QSER1: variants seen among roughly 807,000 people sequenced by gnomAD.
QSER1 encodes the protein glutamine and serine-rich protein 1.
Under a neutral mutation model 158.5 loss-of-function variants are expected in QSER1, and 49 were observed. The ratio of observed to expected loss-of-function variants is 0.31; its 90% CI spans 0.25 to 0.39. The LOEUF (loss-of-function observed/expected upper bound fraction) is 0.39, where lower values mean the gene tolerates loss of function less well. QSER1 is among the 10% of genes least tolerant of loss of function. The probability of loss-of-function intolerance (pLI) is 1.00; values close to 1 mark genes in which losing one functional copy is unlikely to be tolerated. For synonymous variants in QSER1, 650 were observed against 715.5 expected (o/e 0.91, Z 1.46); for missense variants, 1,754 against 2,010.3 (o/e 0.87, Z 2.44).
At chr11:32,943,924 G>A (rs1443218510) in intron 4 of QSER1, among the ~76,000 whole-genome samples, 2 of 150,754 alleles carry the variant, frequency 1.3e-5, no homozygotes, top group African/African-American at 4.9e-5. Flanking sequence ...CCTGTTATTG[G>A]TCTATTCAGA....
rs199965190 is a variant in QSER1, at chr11:32,932,446, G to A, written c.1188G>A (p.Ala396=). Residue 396 remains alanine, a synonymous_variant, in exon 4 of 13, where the codon GCG becomes GCA. Coordinates refer to ENST00000650167, the MANE Select transcript of QSER1 (RefSeq NM_001076786.3). ...SVELAQSYSS[A]IPSSGYPPST... The stretch of plus-strand genomic sequence containing the variant: ...AACTTGCTCAGTCTTACTCATCTGC[G>A]ATTCCATCATCAGGGTATCCTCCTT... 2.7e-5 allele frequency: 43 copies of A among 1,613,176 alleles called. No individual in the cohort carries two copies. The highest frequency in any genetic ancestry group is 4.5e-5 in the East Asian group (2 of 44,890).
At chr11:32,975,514 T>C (rs1456185925) in intron 12 of QSER1, 171 bp downstream of exon 12, 1 of 1,472,488 alleles carries the variant, frequency 6.8e-7, no homozygotes, top group Non-Finnish European at 9.0e-7. Flanking sequence ...CTCTCTGCTA[T>C]GTTTTGTGCT....
Position 32,967,155 on chromosome 11 carries a change from G to A in QSER1, c.5107+718G>A, listed in dbSNP as rs549136886. ...GTGAATACTATTCAGCCATAAAAAA[G>A]AGCAAAATAATGTCTTTTGCAGCAA... On this transcript the variant is annotated intron_variant, in intron 9 of 12. Coordinates refer to ENST00000650167, the MANE Select transcript of QSER1 (RefSeq NM_001076786.3). Among the ~76,000 whole-genome samples the A allele has an allele frequency of 2.6e-5, 4 of 152,254 alleles. No individual in the cohort carries two copies. In the South Asian group the frequency reaches 8.3e-4, roughly 32 times the overall value.
At chr11:32,920,348 A>T (rs941218219) in intron 1 of QSER1, among the ~76,000 whole-genome samples, 21 of 152,190 alleles carry the variant, frequency 1.4e-4, no homozygotes, top group African/African-American at 5.1e-4. Flanking sequence ...CTGGACTCCT[A>T]CCTCACACCA....
At chr11:32,899,671 A>C (rs902202321) in intron 1 of QSER1, among the ~76,000 whole-genome samples, 3 of 152,074 alleles carry the variant, frequency 2.0e-5, no homozygotes, top group African/African-American at 4.8e-5. Context: ...GAAAAAAAAA[A>C]CACTGTCTTG....
chr11:32,919,004 G>A (rs1056905652), intron 1 of QSER1, among the ~76,000 whole-genome samples: 5 of 152,138 alleles, frequency 3.3e-5, no homozygotes, highest in Non-Finnish European at 7.3e-5. Context: ...ATTGGTATGG[G>A]ACATTTGTTA....
At chr11:32,896,277 C>T (rs1052994841) in intron 1 of QSER1, among the ~76,000 whole-genome samples, 13 of 151,988 alleles carry the variant, frequency 8.6e-5, no homozygotes, top group African/African-American at 2.9e-4. Flanking sequence ...TGGTGATAAT[C>T]GATGTGTTCG....
At chr11:32,909,405 T>G (rs1440835701) in intron 1 of QSER1, among the ~76,000 whole-genome samples, 2 of 152,184 alleles carry the variant, frequency 1.3e-5, no homozygotes, top group South Asian at 4.1e-4. Flanking sequence ...GTGAGATTAT[T>G]CAGCAGTTGG....
At chr11:32,940,549 C>G (rs1380423124) in intron 4 of QSER1, among the ~76,000 whole-genome samples, 1 of 151,932 alleles carries the variant, frequency 6.6e-6, no homozygotes, top group Non-Finnish European at 1.5e-5. Flanking sequence ...TCTGTTCATC[C>G]TAGCTTTGAA....
intron 4 of QSER1, among the ~76,000 whole-genome samples, chr11:32,942,369 T>A (rs1248408537): frequency 6.8e-6 from 1 of 147,828 alleles, no homozygotes; most frequent in Admixed American, 6.8e-5. Context: ...GTTTTAGGTC[T>A]AACGTTTAAG....
At chr11:32,898,100 A>C (rs1419088055) in intron 1 of QSER1, among the ~76,000 whole-genome samples, 1 of 152,130 alleles carries the variant, frequency 6.6e-6, no homozygotes, top group Non-Finnish European at 1.5e-5. Context: ...AGTGATTTTT[A>C]AAAACACAGA....
At chr11:32,947,939 A>G (rs995827089) in intron 4 of QSER1, among the ~76,000 whole-genome samples, 7 of 152,130 alleles carry the variant, frequency 4.6e-5, no homozygotes, top group Admixed American at 1.3e-4. Flanking sequence ...TTCCATATCT[A>G]TGTTTTCTTT....
chr11:32,957,433 G>A (rs867953132), intron 7 of QSER1, among the ~76,000 whole-genome samples: 3 of 152,098 alleles, frequency 2.0e-5, no homozygotes, highest in East Asian at 1.9e-4. Context: ...GAGCCACCGC[G>A]CCGCATTTGG....
rs1175990321 is a variant in QSER1, at chr11:32,892,966, G to C, written c.-160G>C. On this transcript the variant is annotated 5_prime_UTR_variant, in exon 1 of 13. Transcript: ENST00000650167. Reference sequence around the variant, plus strand: ...CTTTGCGGCCCAGACTCGCCAGCGCGCCCTTCTCCCGCCTGCTCGCCGGGG... The same window carrying C: ...CTTTGCGGCCCAGACTCGCCAGCGCCCCCTTCTCCCGCCTGCTCGCCGGGG... Among the ~76,000 whole-genome samples the C allele has an allele frequency of 6.8e-6, 1 of 146,040 alleles. No homozygotes were observed. Among genetic ancestry groups the C allele is most frequent in the Non-Finnish European group, 1.5e-5 (1 of 66,074 alleles).
Position 32,933,201 on chromosome 11 carries a change from T to C in QSER1, c.1943T>C (p.Val648Ala), listed in dbSNP as rs752434357. Residue 648 changes from valine (V) to alanine (A), a missense_variant, in exon 4 of 13, where the codon GTC becomes GCC. By Grantham distance (64) the Val-to-Ala change is moderately conservative. Transcript: ENST00000650167. ...CAGTCCCAGAAGTTTTTGCCTGCTG[T>C]CCAGTCATCATCTTTTGCATCCTCT... ...SPQSQKFLPAVQSSSFASSTH... is the reference protein window; with the variant it reads ...SPQSQKFLPAAQSSSFASSTH... 6.2e-7 allele frequency: 1 copy of C among 1,614,066 alleles called. No individual in the cohort carries two copies. Among genetic ancestry groups the C allele is most frequent in the South Asian group, 1.1e-5 (1 of 91,044 alleles).
chr11:32,926,244 T>G (rs1851968808), intron 1 of QSER1: 1 of 152,148 alleles, frequency 6.6e-6, no homozygotes, highest in Non-Finnish European at 1.5e-5. Context: ...TGGATCCTAG[T>G]TAAAAAGAGC....
chr11:32,934,003 C>G lies in QSER1; in HGVS notation c.2745C>G (p.Leu915=), dbSNP rs771849160. 2 of 1,613,648 alleles carry G rather than the reference C, an allele frequency of 1.2e-6. No homozygotes were observed. Among genetic ancestry groups the G allele is most frequent in the Admixed American group, 3.3e-5 (2 of 59,992 alleles). Residue 915 remains leucine, a synonymous_variant, in exon 4 of 13, where the codon CTC becomes CTG. Transcript: ENST00000650167. ...QSNGDHSQQQ[L]HPQNSEVMKM... is the part of the protein sequence containing the mutation. ...ATGGTGATCATTCTCAGCAGCAACTCCATCCTCAAAATTCTGAAGTTATGA... is the reference window on the plus strand; with the variant it reads ...ATGGTGATCATTCTCAGCAGCAACTGCATCCTCAAAATTCTGAAGTTATGA...
chr11:32,955,564 T>C (rs1489332594), intron 6 of QSER1, 152 bp downstream of exon 6: 4 of 529,828 alleles, frequency 7.5e-6, no homozygotes, highest in Non-Finnish European at 1.3e-5. Flanking sequence ...GATAGTCTAA[T>C]ATAAAAATAA....
chr11:32,955,412 T>C lies in QSER1; in HGVS notation c.4617T>C (p.Ser1539=). 1.3e-6 allele frequency: 2 copies of C among 1,490,644 alleles called. No homozygotes were observed. Among genetic ancestry groups the C allele is most frequent in the Non-Finnish European group, 1.8e-6 (2 of 1,086,196 alleles). The allele number at this position is 1,490,644 out of a possible 1,614,324, so 92.3% of individuals were successfully genotyped here. ...DGQREFAATN[S]YLGYFGDAKS... ...AAAGAGAATTTGCTGCTACAAATAG[T>C]GTAAGTAAAATGCATGTTTACATTA... is the stretch of plus-strand genomic sequence containing the variant. The change falls in exon 6 of 13, where the codon AGT becomes AGC. Residue 1539 remains serine (S), a splice_region_variant and synonymous_variant. Coordinates refer to ENST00000650167, the MANE Select transcript of QSER1 (RefSeq NM_001076786.3).
Sources: gnomAD v4.1 joint callset for allele counts (sites outside exome capture counted in the v4.1 genomes callset) on GRCh38, gnomAD v4.1.1 for gene constraint, MANE v1.5 for transcripts, NCBI Gene and HGNC (gene_info 2026-07-23, HGNC 2026-07-21) for gene names.